The following FNDC3A variants were observed in gnomAD, a reference collection of about 807,000 sequenced individuals.
The protein encoded by FNDC3A is fibronectin type-III domain-containing protein 3A.
FNDC3A carries 32 observed loss-of-function variants against 148.9 expected under a neutral mutation model. That is an observed-to-expected ratio of 0.21 (90% CI 0.16 to 0.29). The LOEUF (loss-of-function observed/expected upper bound fraction) is 0.29, where lower values mean the gene tolerates loss of function less well. Ranked by LOEUF, FNDC3A falls within the 10% of genes least tolerant of loss-of-function variation. The pLI is 1.00. For synonymous variants in FNDC3A, 472 were observed against 473.6 expected (o/e 1.00, Z 0.04); for missense variants, 1,191 against 1,452.8 (o/e 0.82, Z 2.93).
intron 5 of FNDC3A, among the ~76,000 whole-genome samples, chr13:49,135,147 G>A (rs764581186): frequency 1.1e-4 from 16 of 151,856 alleles, no homozygotes; most frequent in South Asian, 2.1e-4. Flanking sequence ...GAGCCACTGC[G>A]CCCAGCCCCA....
At chr13:49,007,548 T>C (rs1006984220) in intron 2 of FNDC3A, among the ~76,000 whole-genome samples, 1 of 152,160 alleles carries the variant, frequency 6.6e-6, no homozygotes, top group African/African-American at 2.4e-5. Flanking sequence ...AAGAATCTAT[T>C]AAGCAGTTAA....
intron 19 of FNDC3A, among the ~76,000 whole-genome samples, chr13:49,192,536 A>G (rs565538115): frequency 6.6e-6 from 1 of 152,034 alleles, no homozygotes; most frequent in African/African-American, 2.4e-5. Context: ...GGCTCAAGAG[A>G]TCTACCCACC....
chr13:49,052,139 C>A (rs1215907160), intron 2 of FNDC3A, among the ~76,000 whole-genome samples: 2 of 152,000 alleles, frequency 1.3e-5, no homozygotes, highest in East Asian at 3.8e-4. Flanking sequence ...CTGATGCCTC[C>A]TTGATTTGCT....
chr13:49,154,204 G>C (rs1883506731), intron 8 of FNDC3A, among the ~76,000 whole-genome samples: 1 of 149,988 alleles, frequency 6.7e-6, no homozygotes, highest in African/African-American at 2.5e-5. Context: ...TTGAGCAGTG[G>C]TTTGTAGTTC....
intron 2 of FNDC3A, among the ~76,000 whole-genome samples, chr13:49,057,040 G>T (rs190777991): frequency 2.6e-4 from 39 of 152,214 alleles, no homozygotes; most frequent in African/African-American, 7.7e-4. Context: ...TTGGTTTAAG[G>T]ATATGTCTTC....
intron 13 of FNDC3A, among the ~76,000 whole-genome samples, chr13:49,178,156 A>G (rs1885123581): frequency 6.6e-6 from 1 of 152,216 alleles, no homozygotes; most frequent in African/African-American, 2.4e-5. Context: ...TTATTTACTT[A>G]GACAACCATG....
At chr13:49,165,247 T>G (rs1348001433) in intron 8 of FNDC3A, among the ~76,000 whole-genome samples, 1 of 152,202 alleles carries the variant, frequency 6.6e-6, no homozygotes, top group Non-Finnish European at 1.5e-5. Flanking sequence ...CTTTTTCATA[T>G]TTCTTGTGTC....
chr13:49,064,666 A>G (rs945665881), intron 2 of FNDC3A, among the ~76,000 whole-genome samples: 31 of 152,206 alleles, frequency 2.0e-4, no homozygotes, highest in South Asian at 4.1e-4. Flanking sequence ...TTATGCCAGC[A>G]CACAGGTTGC....
chr13:48,980,480 G>C (rs1951675325), intron 1 of FNDC3A, among the ~76,000 whole-genome samples: 1 of 152,122 alleles, frequency 6.6e-6, no homozygotes, highest in South Asian at 2.1e-4. Context: ...TATTTACATT[G>C]ATGAGCTTGA....
At chr13:49,087,345 T>C (rs1878882405) in intron 3 of FNDC3A, among the ~76,000 whole-genome samples, 1 of 152,150 alleles carries the variant, frequency 6.6e-6, no homozygotes, top group Non-Finnish European at 1.5e-5. Flanking sequence ...ACTTTTGATA[T>C]CGTTTAGTGA....
chr13:49,143,290 G>A (rs764255304), intron 7 of FNDC3A, among the ~76,000 whole-genome samples: 7 of 152,236 alleles, frequency 4.6e-5, no homozygotes, highest in South Asian at 2.1e-4. Context: ...TTAGGAGGCC[G>A]GGGCAGGAGG....
intron 8 of FNDC3A, among the ~76,000 whole-genome samples, chr13:49,166,162 T>C (rs1271074102): frequency 6.6e-6 from 1 of 152,190 alleles, no homozygotes; most frequent in African/African-American, 2.4e-5. Context: ...GGGCTTTCAG[T>C]GGCAACAGCT....
In FNDC3A at chr13:49,031,267, A is replaced by G. The variant is rs576796590; in HGVS notation, c.99+24978A>G. Among the ~76,000 whole-genome samples, 245 of 152,210 alleles carry G rather than the reference A, an allele frequency of 1.6e-3. 1 individual carries two copies. The highest frequency in any genetic ancestry group is 2.4e-3 in the Admixed American group (37 of 15,290). On this transcript the variant is annotated intron_variant, in intron 2 of 25. Coordinates refer to ENST00000492622, the MANE Select transcript of FNDC3A (RefSeq NM_001079673.2). ...CATGGTGGTGTGCACCTGTAATTCC[A>G]GCTACTCGGGAGGCTGAGGCAGGAG...
At chr13:49,184,122 T>C (rs1282160511) in intron 14 of FNDC3A, among the ~76,000 whole-genome samples, 4 of 152,172 alleles carry the variant, frequency 2.6e-5, no homozygotes, top group African/African-American at 7.2e-5. Context: ...GGAAGTAACA[T>C]GTCAAAATCA....
At chr13:49,095,787 C>G (rs1879487696) in intron 3 of FNDC3A, among the ~76,000 whole-genome samples, 1 of 151,958 alleles carries the variant, frequency 6.6e-6, no homozygotes, top group Admixed American at 6.6e-5. Context: ...TAATTTTTTT[C>G]CAGGAGCATA....
intron 1 of FNDC3A, chr13:48,988,140 A>G (rs1354260736): frequency 1.3e-5 from 2 of 152,240 alleles, no homozygotes; most frequent in East Asian, 3.8e-4. Flanking sequence ...AGGAGCACCC[A>G]GATTTATAAA....
chr13:49,076,192 G>C (rs1878099412), intron 3 of FNDC3A, among the ~76,000 whole-genome samples: 1 of 151,968 alleles, frequency 6.6e-6, no homozygotes, highest in South Asian at 2.1e-4. Context: ...TTAAATCCCA[G>C]CTCCTCTGCT....
In FNDC3A at chr13:49,185,429, C is replaced by T. The variant is rs185546267; in HGVS notation, c.1618-535C>T. 5.3e-5 allele frequency among the ~76,000 whole-genome samples: 8 copies of T among 152,298 alleles called. No homozygotes were observed. The East Asian group carries it at 1.5e-3, about 29-fold the overall frequency. On this transcript the variant is annotated intron_variant, in intron 14 of 25. Transcript: ENST00000492622. ...CTTCACTCACTTTCAGGTTCACTCA[C>T]ATGGTTGTCTCCAGGAACCCTCAGT...
In FNDC3A at chr13:49,110,216, C is replaced by A. The variant is rs542029506; in HGVS notation, c.176-4439C>A. 7 of 619,182 alleles carry A rather than the reference C, an allele frequency of 1.1e-5. No homozygotes were observed. The African/African-American group carries it at 1.2e-4, about 10-fold the overall frequency. 38.4% of individuals were successfully genotyped at this position (619,182 alleles called of 1,614,324 possible). On this transcript the variant is annotated intron_variant, in intron 3 of 25. Coordinates refer to ENST00000492622, the MANE Select transcript of FNDC3A (RefSeq NM_001079673.2). ...AGCGGGAACGTTTGCTTTTTTTTCC[C>A]CCTTGCCCTTTCCTGGGTCACTGCA...
Sources: allele counts gnomAD v4.1 joint callset (sites outside exome capture counted in the v4.1 genomes callset), GRCh38; gene constraint gnomAD v4.1.1; transcripts MANE v1.5; gene names NCBI Gene and HGNC (gene_info 2026-07-23, HGNC 2026-07-21).